The following ADNP variants were observed in gnomAD, a reference collection of about 807,000 sequenced individuals.
ADNP encodes activity-dependent neuroprotector homeobox protein.
Under a neutral mutation model 84.9 loss-of-function variants are expected in ADNP, and 4 were observed. The ratio of observed to expected loss-of-function variants is 0.05; its 90% CI spans 0.02 to 0.11. The LOEUF (loss-of-function observed/expected upper bound fraction) is 0.11, where lower values mean the gene tolerates loss of function less well. Among genes scored for constraint, ADNP ranks in the 10% least tolerant of loss-of-function variants. ADNP has a pLI of 1.00. For missense variants in ADNP, 1,132 were observed against 1,326.0 expected (o/e 0.85, Z 2.27); for synonymous variants, 554 against 468.1 (o/e 1.18, Z -2.37).
At chr20:50,911,676 A>C (rs1169685485) in intron 2 of ADNP, among the ~76,000 whole-genome samples, 1 of 152,184 alleles carries the variant, frequency 6.6e-6, no homozygotes, top group African/African-American at 2.4e-5. Context: ...CAGAGCTACC[A>C]CATCAAGGAT....
rs184230372 is a variant in ADNP, at chr20:50,927,175, C to T, written c.-90+1476G>A. On this transcript the variant is annotated intron_variant, in intron 2 of 5. Coordinates refer to ENST00000621696, the MANE Select transcript of ADNP (RefSeq NM_001282531.3). ...TATTTTAATATAAATAGTATTAAAA[C>T]TCTTCCTGCACTCTGGTATAAGGAG... 6.9e-3 allele frequency among the ~76,000 whole-genome samples: 1,049 copies of T among 152,222 alleles called. 42 individuals carry two copies. Among genetic ancestry groups the T allele is most frequent in the Admixed American group, 0.06 (922 of 15,280 alleles).
intron 4 of ADNP, among the ~76,000 whole-genome samples, chr20:50,903,455 G>C (rs1600955564): frequency 6.6e-6 from 1 of 152,162 alleles, no homozygotes; most frequent in Admixed American, 6.6e-5. Flanking sequence ...ATTAGAAGAA[G>C]GTCAACCAGA....
At chr20:50,916,687 T>C (rs1983534282) in intron 2 of ADNP, among the ~76,000 whole-genome samples, 1 of 152,220 alleles carries the variant, frequency 6.6e-6, no homozygotes, top group Admixed American at 6.5e-5. Flanking sequence ...TGGCATCCAC[T>C]TCATACATAT....
intron 2 of ADNP, chr20:50,909,410 CATT>C (rs1457142775): frequency 7.8e-6 from 1 of 128,360 alleles, no homozygotes; most frequent in Non-Finnish European, 1.6e-5. Flanking sequence ...AGATGAGCAT[CATT>C]ATTCCAACAC....
At position 50,893,208 on chromosome 20, in the gene ADNP, A is replaced by C. The variant is rs1465602795; in HGVS notation, c.1506T>G (p.Thr502=). ...LYCNRYLPTD[T]LLNHMLIHGL... is the part of the protein sequence containing the mutation. ...CATGAATTAACATATGGTTGAGCAG[A>C]GTATCTGTGGGTAAATAGCGATTAC... Residue 502 remains threonine, a synonymous_variant, in exon 6 of 6, where the codon ACT becomes ACG. Coordinates refer to ENST00000621696, the MANE Select transcript of ADNP (RefSeq NM_001282531.3). The surrounding 1 kb of genome is among the most constrained non-coding windows in gnomAD (Gnocchi z 4.4). 6.2e-7 allele frequency: 1 copy of C among 1,614,258 alleles called. No individual in the cohort carries two copies. The highest frequency in any genetic ancestry group is 1.1e-5 in the South Asian group (1 of 91,082).
intron 5 of ADNP, among the ~76,000 whole-genome samples, chr20:50,900,820 G>C (rs1265405270): frequency 6.6e-6 from 1 of 152,142 alleles, no homozygotes; most frequent in East Asian, 1.9e-4. Context: ...ATCAGATTCA[G>C]CGCTGATCAA....
chr20:50,916,048 T>C (rs1489474997), intron 2 of ADNP, among the ~76,000 whole-genome samples: 1 of 152,200 alleles, frequency 6.6e-6, no homozygotes, highest in Non-Finnish European at 1.5e-5. Context: ...AATACAAAAC[T>C]GCCTCCAAAA....
chr20:50,904,096 C>T lies in ADNP; in HGVS notation c.-5-95G>A, dbSNP rs1982246869. On this transcript the variant is annotated intron_variant, in intron 3 of 5. Transcript: ENST00000621696. ...TGATAGGATCATAAAACCTACCCAT[C>T]TGACAAAAAAGGTGCATAGATATCC... is the stretch of plus-strand genomic sequence containing the variant. 4 of 943,288 alleles carry T rather than the reference C, an allele frequency of 4.2e-6. No homozygotes were observed. In the Admixed American group the frequency reaches 6.7e-5, roughly 16 times the overall value. 58.4% of individuals were successfully genotyped at this position (943,288 alleles called of 1,614,324 possible).
intron 4 of ADNP, among the ~76,000 whole-genome samples, chr20:50,903,132 G>A (rs905823959): frequency 1.3e-5 from 2 of 152,010 alleles, no homozygotes; most frequent in African/African-American, 2.4e-5. Context: ...AAACAAGGTA[G>A]CTATGTTCCC....
At chr20:50,925,263 T>TAA (rs1555816933) in intron 2 of ADNP, among the ~76,000 whole-genome samples, 1 of 148,998 alleles carries the variant, frequency 6.7e-6, no homozygotes, top group Non-Finnish European at 1.5e-5. Context: ...TGACTTCCTA[T>TAA]ACACACACAC....
At chr20:50,895,007 A>G (rs999996169) in intron 5 of ADNP, among the ~76,000 whole-genome samples, 3 of 152,248 alleles carry the variant, frequency 2.0e-5, no homozygotes, top group African/African-American at 7.2e-5. Flanking sequence ...GTGTAAATTA[A>G]AAAAATGCTA....
chr20:50,895,561 A>T (rs564753102), intron 5 of ADNP, among the ~76,000 whole-genome samples: 13 of 152,258 alleles, frequency 8.5e-5, no homozygotes, highest in Admixed American at 5.2e-4. Flanking sequence ...TAAAAAAAAA[A>T]TTTTGAGACA....
At chr20:50,930,095 G>T (rs1041791996) in intron 1 of ADNP, among the ~76,000 whole-genome samples, 1 of 151,950 alleles carries the variant, frequency 6.6e-6, no homozygotes, top group Non-Finnish European at 1.5e-5. Context: ...GTGAATACGA[G>T]TGTGTTCACA....
intron 2 of ADNP, among the ~76,000 whole-genome samples, chr20:50,924,621 T>G (rs1045905479): frequency 1.3e-5 from 2 of 151,996 alleles, no homozygotes; most frequent in African/African-American, 4.8e-5. Context: ...GCTTGGAAAA[T>G]AAAACAGACA....
intron 2 of ADNP, among the ~76,000 whole-genome samples, chr20:50,917,867 T>C (rs538929905): frequency 2.3e-4 from 35 of 152,292 alleles, no homozygotes; most frequent in African/African-American, 8.2e-4. Flanking sequence ...GGGATATGAT[T>C]GAACCATGAA....
chr20:50,926,772 A>C (rs1003615838), intron 2 of ADNP, among the ~76,000 whole-genome samples: 2 of 152,198 alleles, frequency 1.3e-5, no homozygotes, highest in African/African-American at 4.8e-5. Context: ...TTACTTATAT[A>C]TGATTCTCAA....
chr20:50,901,321 TAAAAAA>T (rs11470054), intron 5 of ADNP, among the ~76,000 whole-genome samples: 9 of 92,750 alleles, frequency 9.7e-5, no homozygotes, highest in African/African-American at 2.1e-4. Flanking sequence ...CTGGGGTATT[TAAAAAA>T]AAAAAAAAAA....
intron 4 of ADNP, 74 bp downstream of exon 4, chr20:50,903,815 A>T: frequency 9.0e-7 from 1 of 1,113,532 alleles, no homozygotes; most frequent in Non-Finnish European, 1.3e-6. Flanking sequence ...AGATTTAGCC[A>T]TCTTGGCCAC....
At chr20:50,918,292 TG>T (rs1264881114) in intron 2 of ADNP, among the ~76,000 whole-genome samples, 1 of 152,208 alleles carries the variant, frequency 6.6e-6, no homozygotes, top group Non-Finnish European at 1.5e-5. Context: ...TTATCACTGA[TG>T]GATCTCTTTA....
Sources: allele counts gnomAD v4.1 joint callset (sites outside exome capture counted in the v4.1 genomes callset), GRCh38; gene constraint gnomAD v4.1.1; non-coding constraint Gnocchi (gnomAD v3.1); transcripts MANE v1.5; gene names NCBI Gene and HGNC (gene_info 2026-07-23, HGNC 2026-07-21).